ACO2: variants seen among roughly 807,000 people sequenced by gnomAD.
ACO2 encodes the protein aconitase 2, also known as aconitate hydratase, mitochondrial.
In ACO2, 31 loss-of-function variants were observed where a neutral mutation model predicts 84.5. The ratio of observed to expected loss-of-function variants is 0.37; its 90% CI spans 0.28 to 0.50. The LOEUF is 0.50. Among genes scored for constraint, ACO2 ranks in the 20% least tolerant of loss-of-function variants. ACO2 has a pLI of 0.97. For synonymous variants in ACO2, 414 were observed against 412.7 expected, an observed-to-expected ratio of 1.00 and a Z score of -0.04; for missense variants, 685 against 1,029.3, an observed-to-expected ratio of 0.67 and a Z score of 4.58.
intron 1 of ACO2, among the ~76,000 whole-genome samples, chr22:41,481,013 T>C (rs576012657): frequency 1.6e-3 from 236 of 152,244 alleles, no homozygotes; most frequent in Non-Finnish European, 2.5e-3. Flanking sequence ...CTTTGTTGCC[T>C]AAGCTGGTCT....
intron 11 of ACO2, 33 bp from the exon 12 acceptor site, chr22:41,523,784 GTGACAAGGCCAGA>G: frequency 6.5e-7 from 1 of 1,537,008 alleles, no homozygotes; most frequent in Non-Finnish European, 9.0e-7. Flanking sequence ...GACAGGCCAG[GTGACAAGGCCAGA>G]TATCCCTAAC....
chr22:41,492,254 G>A (rs1324288558), intron 1 of ACO2, among the ~76,000 whole-genome samples: 1 of 152,216 alleles, frequency 6.6e-6, no homozygotes, highest in Non-Finnish European at 1.5e-5. Context: ...TTTAACATAT[G>A]AGAGATATGT....
Position 41,525,063 on chromosome 22 carries a change from T to C in ACO2, c.1605+95T>C, listed in dbSNP as rs1316229791. Reference sequence around the variant, plus strand: ...CCTCCTGTGCAGGCAGGGAGGGCGCTGCTAGTGAGAAGGAAGCAGCTCTGT... The same window carrying C: ...CCTCCTGTGCAGGCAGGGAGGGCGCCGCTAGTGAGAAGGAAGCAGCTCTGT... On this transcript the variant is annotated intron_variant, in intron 13 of 17. Transcript: ENST00000216254. 16 of 1,605,300 alleles carry C rather than the reference T, an allele frequency of 1.0e-5. No individual in the cohort carries two copies. The Admixed American group carries it at 2.5e-4, about 25-fold the overall frequency.
Position 41,515,422 on chromosome 22 carries a change from A to C in ACO2, c.571A>C (p.Thr191Pro), listed in dbSNP as rs186260773. ...GTACCCTGGTGTTCTTCTGATTGGC[A>C]CTGACTCCCACACCCCCAATGGTGG... ...YAYPGVLLIG[T>P]DSHTPNGGGL... Residue 191 changes from threonine (T) to proline (P), a missense_variant, in exon 5 of 18, where the codon ACT (threonine) becomes CCT (proline). By Grantham distance (38) the Thr-to-Pro change is conservative (BLOSUM62 -1). Transcript: ENST00000216254. This position sits in a 1 kb window ranked among gnomAD's most constrained non-coding sequence, Gnocchi z 5.8. The C allele has an allele frequency of 6.2e-7, 1 of 1,613,508 alleles. No individual in the cohort carries two copies. Among genetic ancestry groups the C allele is most frequent in the East Asian group, 2.2e-5 (1 of 44,860 alleles).
chr22:41,525,674 G>A, intron 14 of ACO2: 1 of 332,342 alleles, frequency 3.0e-6, no homozygotes, highest in African/African-American at 2.1e-5. Context: ...GTGTGTGATT[G>A]CACAGCAGGC....
chr22:41,526,723 G>A (rs2066605636), intron 15 of ACO2: 1 of 408,716 alleles, frequency 2.4e-6, no homozygotes, highest in Non-Finnish European at 4.4e-6. Context: ...AGACAAGGAA[G>A]GGGGCCGACT....
chr22:41,520,336 C>T lies in ACO2; in HGVS notation c.1138+60C>T, dbSNP rs543902746. 91 of 1,383,926 alleles carry T rather than the reference C, an allele frequency of 6.6e-5. 1 individual carries two copies. The South Asian group carries it at 9.3e-4, about 14-fold the overall frequency. 85.7% of individuals were successfully genotyped at this position (1,383,926 alleles called of 1,614,324 possible). On this transcript the variant is annotated intron_variant, in intron 9 of 17. Coordinates refer to ENST00000216254, the MANE Select transcript of ACO2 (RefSeq NM_001098.3). ...TCAGGGCCAGTGGCTCTGCCCAGGGCTGTAGACAATCACCTATGCCTACTG... is the reference window on the plus strand; with the variant it reads ...TCAGGGCCAGTGGCTCTGCCCAGGGTTGTAGACAATCACCTATGCCTACTG...
Position 41,469,125 on chromosome 22 carries a change from CT to C in ACO2, c.-21del, listed in dbSNP as rs755411808. The C allele has an allele frequency of 6.8e-6, 11 of 1,606,030 alleles. No homozygotes were observed. Among genetic ancestry groups the C allele is most frequent in the Non-Finnish European group, 8.5e-6 (10 of 1,175,946 alleles). On this transcript the variant is annotated 5_prime_UTR_variant, in exon 1 of 18. Coordinates refer to ENST00000216254, the MANE Select transcript of ACO2 (RefSeq NM_001098.3). ...GTGTGGGACGTCACTTTAATGCGACCTCATCTTTGTCAGTGCACAAAATGGC... is the reference window on the plus strand; with the variant it reads ...GTGTGGGACGTCACTTTAATGCGACCCATCTTTGTCAGTGCACAAAATGGC...
intron 1 of ACO2, among the ~76,000 whole-genome samples, chr22:41,484,391 C>G (rs981928071): frequency 1.3e-5 from 2 of 152,076 alleles, no homozygotes; most frequent in African/African-American, 4.8e-5. Flanking sequence ...CACAAGATAT[C>G]CTGTACCAGG....
At chr22:41,518,801 C>T (rs1195824954) in intron 8 of ACO2, among the ~76,000 whole-genome samples, 2 of 151,990 alleles carry the variant, frequency 1.3e-5, no homozygotes, top group African/African-American at 4.8e-5. Flanking sequence ...CAAAAATTAG[C>T]TCGGCATAGT....
At chr22:41,523,991 T>A in intron 12 of ACO2, 50 bp downstream of exon 12, 1 of 1,547,978 alleles carries the variant, frequency 6.5e-7, no homozygotes, top group Non-Finnish European at 8.9e-7. Context: ...TGGGGGTCCC[T>A]GGCGGGTCAG....
At chr22:41,474,595 T>G (rs2037987597) in intron 1 of ACO2, among the ~76,000 whole-genome samples, 1 of 79,938 alleles carries the variant, frequency 1.3e-5, no homozygotes, top group Non-Finnish European at 2.3e-5. Context: ...GCCTAGCCTT[T>G]TTTTTTTTTT....
chr22:41,479,534 G>A (rs955309233), intron 1 of ACO2, among the ~76,000 whole-genome samples: 3 of 152,242 alleles, frequency 2.0e-5, no homozygotes, highest in African/African-American at 4.8e-5. Flanking sequence ...CGTTTCCCCA[G>A]AGGGAGTAGA....
At chr22:41,498,385 C>T (rs2066330436) in intron 1 of ACO2, among the ~76,000 whole-genome samples, 1 of 152,098 alleles carries the variant, frequency 6.6e-6, no homozygotes, top group African/African-American at 2.4e-5. Flanking sequence ...ACAAATTGCC[C>T]CCAAACTTAA....
intron 1 of ACO2, among the ~76,000 whole-genome samples, chr22:41,497,160 CT>C (rs2066320153): frequency 6.6e-6 from 1 of 151,956 alleles, no homozygotes; most frequent in Admixed American, 6.6e-5. Flanking sequence ...CCTCTGCCCC[CT>C]GGGTTCAAGC....
intron 1 of ACO2, among the ~76,000 whole-genome samples, chr22:41,478,589 T>G (rs2038047779): frequency 6.6e-6 from 1 of 152,248 alleles, no homozygotes; most frequent in South Asian, 2.1e-4. Flanking sequence ...TATCATGAAA[T>G]ATTCAAGTCT....
chr22:41,470,528 C>CTTTTTTTT (rs71184811), intron 1 of ACO2, among the ~76,000 whole-genome samples: 37 of 95,852 alleles, frequency 3.9e-4, no homozygotes, highest in Non-Finnish European at 5.6e-4. Flanking sequence ...CTCTTTACAT[C>CTTTTTTTT]TTTTTTTTTT....
At chr22:41,510,552 AG>A (rs2066426112) in intron 3 of ACO2, among the ~76,000 whole-genome samples, 1 of 152,178 alleles carries the variant, frequency 6.6e-6, no homozygotes, top group African/African-American at 2.4e-5. Context: ...CAAGGGTCCG[AG>A]GGCACTGGCT....
intron 1 of ACO2, chr22:41,469,504 T>C: frequency 2.9e-6 from 1 of 343,640 alleles, no homozygotes; most frequent in Non-Finnish European, 5.3e-6. Context: ...TTTCCATTCC[T>C]CAAGGTGAGG....
Sources: allele counts gnomAD v4.1 joint callset (sites outside exome capture counted in the v4.1 genomes callset), GRCh38; gene constraint gnomAD v4.1.1; non-coding constraint Gnocchi (gnomAD v3.1); transcripts MANE v1.5; gene names NCBI Gene and HGNC (gene_info 2026-07-23, HGNC 2026-07-21).